The following CCDC149 variants were observed in gnomAD, a reference collection of about 807,000 sequenced individuals.
CCDC149 encodes the protein coiled-coil domain containing 149.
In CCDC149, 45 loss-of-function variants were observed where a neutral mutation model predicts 59.9. The ratio of observed to expected loss-of-function variants is 0.75; its 90% CI spans 0.59 to 0.96. CCDC149 has a LOEUF of 0.96. CCDC149 is among the 40% of genes least tolerant of loss of function. The pLI is 0.00. For synonymous variants in CCDC149, 245 were observed against 260.6 expected, an observed-to-expected ratio of 0.94 and a Z score of 0.58; for missense variants, 584 against 664.7, an observed-to-expected ratio of 0.88 and a Z score of 1.33.
chr4:24,915,969 C>CT (rs1722110603), upstream of CCDC149, among the ~76,000 whole-genome samples: 1 of 152,190 alleles, frequency 6.6e-6, no homozygotes, highest in African/African-American at 2.4e-5. Flanking sequence ...TTGTGGTTAA[C>CT]TTTTTTCAAA....
intron 1 of CCDC149, among the ~76,000 whole-genome samples, chr4:24,960,713 T>C (rs1723613090): frequency 6.6e-6 from 1 of 152,206 alleles, no homozygotes; most frequent in Non-Finnish European, 1.5e-5. Context: ...ATAAAAATCC[T>C]AAATGTTTAA....
intron 1 of CCDC149, among the ~76,000 whole-genome samples, chr4:24,960,769 G>C (rs975252509): frequency 2.0e-5 from 3 of 152,084 alleles, no homozygotes; most frequent in African/African-American, 7.2e-5. Flanking sequence ...AAAACTGATG[G>C]GATTGCAAGG....
At chr4:24,903,732 C>G (rs566331714) in intron 1 of CCDC149, among the ~76,000 whole-genome samples, 62 of 152,176 alleles carry the variant, frequency 4.1e-4, no homozygotes, top group African/African-American at 1.5e-3. Context: ...TTCTCTGCAG[C>G]CAATTTCCTC....
At chr4:24,964,657 A>T (rs1355642587) in intron 1 of CCDC149, among the ~76,000 whole-genome samples, 1 of 152,202 alleles carries the variant, frequency 6.6e-6, no homozygotes, top group Non-Finnish European at 1.5e-5. Flanking sequence ...TGGAATTGAA[A>T]AAATGTTTGA....
chr4:24,817,421 G>C (rs1029772674), intron 12 of CCDC149, among the ~76,000 whole-genome samples: 1 of 151,964 alleles, frequency 6.6e-6, no homozygotes, highest in African/African-American at 2.4e-5. Flanking sequence ...TCTCCCCACA[G>C]GTACCTGGGG....
chr4:24,827,504 C>CATGG (rs1715837101), intron 9 of CCDC149: 1 of 152,274 alleles, frequency 6.6e-6, no homozygotes, highest in Admixed American at 6.5e-5. Flanking sequence ...CATGGTAAGG[C>CATGG]ATGGGCCTGG....
chr4:24,954,003 A>T (rs1723389962), intron 1 of CCDC149, among the ~76,000 whole-genome samples: 1 of 152,054 alleles, frequency 6.6e-6, no homozygotes, highest in Admixed American at 6.5e-5. Context: ...GAACAGAAAG[A>T]AAAAAGATGG....
chr4:24,922,370 T>G (rs773810758), intron 1 of CCDC149, among the ~76,000 whole-genome samples: 5 of 152,094 alleles, frequency 3.3e-5, no homozygotes, highest in African/African-American at 9.7e-5. Flanking sequence ...TTCCAAGACT[T>G]CCCCTCACCC....
chr4:24,852,814 T>C (rs1298169699), intron 4 of CCDC149, among the ~76,000 whole-genome samples: 3 of 152,222 alleles, frequency 2.0e-5, no homozygotes, highest in East Asian at 1.9e-4. Flanking sequence ...CACCACTAAG[T>C]TGAACATAAT....
downstream of CCDC149, among the ~76,000 whole-genome samples, chr4:24,805,917 T>C (rs1422087202): frequency 1.3e-5 from 2 of 152,196 alleles, no homozygotes; most frequent in African/African-American, 4.8e-5. Flanking sequence ...GACAACTTTC[T>C]TGAATGTATA....
intron 3 of CCDC149, among the ~76,000 whole-genome samples, chr4:24,858,335 T>G (rs1718157088): frequency 6.6e-6 from 1 of 152,180 alleles, no homozygotes; most frequent in Admixed American, 6.5e-5. Context: ...AGAGATTCTT[T>G]CCTCTAAATC....
chr4:24,853,068 G>A lies in CCDC149; in HGVS notation c.372+4C>T. 6.3e-7 allele frequency: 1 copy of A among 1,586,320 alleles called. No homozygotes were observed. The highest frequency in any genetic ancestry group is 8.7e-7 in the Non-Finnish European group (1 of 1,154,906). On this transcript the variant is annotated splice_donor_region_variant and intron_variant, in intron 4 of 12. Transcript: ENST00000635206. The stretch of plus-strand genomic sequence containing the variant: ...AGCTTCTTCCCTGTAAATACTCACA[G>A]TACCTTGTTGTCGCCCTGGACTTCT...
chr4:24,836,298 G>C (rs1716514890), intron 7 of CCDC149, 138 bp downstream of exon 7: 2 of 672,168 alleles, frequency 3.0e-6, no homozygotes, highest in South Asian at 3.7e-5. Context: ...GGTTACCCCA[G>C]TTAAAGCTCT....
chr4:24,823,983 T>C (rs1053508405), intron 9 of CCDC149, among the ~76,000 whole-genome samples: 3 of 152,216 alleles, frequency 2.0e-5, no homozygotes, highest in African/African-American at 7.2e-5. Context: ...TGATCCAAGC[T>C]CCCTTTTCAC....
chr4:24,854,050 T>C (rs116373949), intron 3 of CCDC149, among the ~76,000 whole-genome samples: 252 of 152,258 alleles, frequency 1.7e-3, no homozygotes, highest in African/African-American at 5.7e-3. Flanking sequence ...GCCTCCCCTT[T>C]TGGTGTGGCT....
chr4:24,866,774 C>T (rs570728771), intron 3 of CCDC149, among the ~76,000 whole-genome samples: 3 of 121,632 alleles, frequency 2.5e-5, no homozygotes, highest in South Asian at 2.8e-4. Flanking sequence ...TCCTTTAACG[C>T]GAAGACCCAA....
chr4:24,884,783 T>C (rs962070769), intron 1 of CCDC149, among the ~76,000 whole-genome samples: 3 of 152,230 alleles, frequency 2.0e-5, no homozygotes, highest in Admixed American at 1.3e-4. Flanking sequence ...TTAGTATATG[T>C]AAAACATTTA....
intron 1 of CCDC149, among the ~76,000 whole-genome samples, chr4:24,911,223 G>A (rs1316764865): frequency 6.6e-6 from 1 of 152,224 alleles, no homozygotes; most frequent in Non-Finnish European, 1.5e-5. Context: ...GCAAGGTGAA[G>A]GTTAAGCCCA....
At chr4:24,858,404 T>G (rs1243656480) in intron 3 of CCDC149, among the ~76,000 whole-genome samples, 4 of 152,222 alleles carry the variant, frequency 2.6e-5, no homozygotes, top group Admixed American at 6.5e-5. Flanking sequence ...AAGAAGCCTC[T>G]TTTAAATATT....
Sources: allele counts gnomAD v4.1 joint callset (sites outside exome capture counted in the v4.1 genomes callset), GRCh38; gene constraint gnomAD v4.1.1; transcripts MANE v1.5; gene names NCBI Gene and HGNC (gene_info 2026-07-23, HGNC 2026-07-21).